The following PHC2 variants were observed in gnomAD, a reference collection of about 807,000 sequenced individuals.
PHC2 encodes the protein polyhomeotic-like protein 2.
Under a neutral mutation model 87.4 loss-of-function variants are expected in PHC2, and 29 were observed. The ratio of observed to expected loss-of-function variants is 0.33; its 90% CI spans 0.25 to 0.45. The LOEUF is 0.45. Among genes scored for constraint, PHC2 ranks in the 20% least tolerant of loss-of-function variants. The probability of loss-of-function intolerance (pLI) is 1.00; values close to 1 mark genes in which losing one functional copy is unlikely to be tolerated. For synonymous variants in PHC2, 438 were observed against 461.7 expected (o/e 0.95, Z 0.66); for missense variants, 857 against 1,136.7 (o/e 0.75, Z 3.54).
intron 1 of PHC2, among the ~76,000 whole-genome samples, chr1:33,404,218 A>G (rs1649660980): frequency 2.0e-5 from 3 of 152,216 alleles, no homozygotes; most frequent in Admixed American, 2.0e-4. Context: ...GTCATCCTTG[A>G]CAATTTTACT....
rs1236121748 is a variant in PHC2 at position 33,354,565 on chromosome 1, G to T, written c.1394C>A (p.Pro465His). 3.1e-6 allele frequency: 5 copies of T among 1,612,480 alleles called. No individual in the cohort carries two copies. The highest frequency in any genetic ancestry group is 3.3e-5 in the Admixed American group (2 of 59,884). The change falls in exon 9 of 15, where the codon CCC becomes CAC. Residue 465 changes from proline to histidine, a missense_variant and splice_region_variant. By Grantham distance (77) the Pro-to-His change is moderately conservative (BLOSUM62 -2). Around this residue, in one of 3 missense-constraint regions of PHC2, gnomAD observed 832 missense variants for 1,081.8 expected, o/e 0.77. Coordinates refer to ENST00000683057, the MANE Select transcript of PHC2 (RefSeq NM_001385109.1). ...CCAGTCATCAGGGACACACTGCTGG[G>T]GCTGTCAAAGGACAGGACAGAGAGG... ...ILQLQPASPV[P>H]QQCVPDDWKE... is the part of the protein sequence containing the mutation.
intron 1 of PHC2, among the ~76,000 whole-genome samples, chr1:33,387,589 C>G (rs1648829659): frequency 6.6e-6 from 1 of 152,226 alleles, no homozygotes. Flanking sequence ...ATTTATTCTT[C>G]ACAACCACCC....
chr1:33,349,726 G>T lies in PHC2; in HGVS notation c.1558+4675C>A, dbSNP rs1451621146. 1.2e-5 allele frequency: 12 copies of T among 994,674 alleles called. No homozygotes were observed. In the South Asian group the frequency reaches 3.3e-4, roughly 27 times the overall value. 61.6% of individuals were successfully genotyped at this position (994,674 alleles called of 1,614,324 possible). On this transcript the variant is annotated intron_variant, in intron 9 of 14. Coordinates refer to ENST00000683057, the MANE Select transcript of PHC2 (RefSeq NM_001385109.1). The surrounding 1 kb of genome is among the most constrained non-coding windows in gnomAD (Gnocchi z 4.2). ...GCCGGGAGCCTCCGAGCCGGGGCCC[G>T]GGGCTGCCGCGGCGCATCCGACCGC... is the stretch of plus-strand genomic sequence containing the variant.
At position 33,324,855 on chromosome 1, in the gene PHC2, G is replaced by T. The variant is rs145458937; in HGVS notation, c.*10C>A. ...GGCGCCCTGGGCCAGAATCCTGGCT[G>T]CCACCAGCCCTAGGAGTCCTTGAGC... On this transcript the variant is annotated 3_prime_UTR_variant, in exon 15 of 15. Coordinates refer to ENST00000683057, the MANE Select transcript of PHC2 (RefSeq NM_001385109.1). 1,181 of 1,601,620 alleles carry T rather than the reference G, an allele frequency of 7.4e-4. 8 individuals are homozygous for T. In the African/African-American group the frequency reaches 0.014, roughly 19 times the overall value.
chr1:33,406,672 C>G, intron 1 of PHC2, among the ~76,000 whole-genome samples: 1 of 152,120 alleles, frequency 6.6e-6, no homozygotes, highest in East Asian at 1.9e-4. Context: ...GTAATAGAGG[C>G]AAACTCTGTT....
intron 9 of PHC2, chr1:33,345,873 G>C (rs1264655177): frequency 2.0e-6 from 2 of 984,230 alleles, no homozygotes; most frequent in African/African-American, 3.5e-5. Context: ...GATGTGGCTA[G>C]TAATTCAAAT....
intron 1 of PHC2, among the ~76,000 whole-genome samples, chr1:33,409,551 T>C (rs1649902868): frequency 6.6e-6 from 1 of 152,230 alleles, no homozygotes; most frequent in African/African-American, 2.4e-5. Flanking sequence ...AATGAAAATA[T>C]ATACTTTTGT....
chr1:33,349,246 G>A lies in PHC2; in HGVS notation c.1558+5155C>T. On this transcript the variant is annotated intron_variant, in intron 9 of 14. Coordinates refer to ENST00000683057, the MANE Select transcript of PHC2 (RefSeq NM_001385109.1). This position sits in a 1 kb window ranked among gnomAD's most constrained non-coding sequence, Gnocchi z 4.2. ...CAATAAAGTACGGCAGATGCCAGCA[G>A]TCTCGTCCCCGAACGCACCGTCCGT... is the stretch of plus-strand genomic sequence containing the variant. 5.1e-6 allele frequency: 5 copies of A among 985,492 alleles called. No homozygotes were observed. Among genetic ancestry groups the A allele is most frequent in the Non-Finnish European group, 6.0e-6 (5 of 829,978 alleles). 61.0% of individuals were successfully genotyped at this position (985,492 alleles called of 1,614,324 possible).
At chr1:33,376,473 G>A (rs1179410703) in intron 1 of PHC2, among the ~76,000 whole-genome samples, 1 of 152,208 alleles carries the variant, frequency 6.6e-6, no homozygotes, top group Non-Finnish European at 1.5e-5. Flanking sequence ...AGCAAAACTA[G>A]GAAAGGAGGC....
Position 33,364,368 on chromosome 1 carries a change from ACACACACACACACACTTGCTTT to A in PHC2, c.976+2726_976+2747del, listed in dbSNP as rs1257685192. Among the ~76,000 whole-genome samples the A allele has an allele frequency of 1.7e-4, 24 of 144,672 alleles. No individual in the cohort carries two copies. Among genetic ancestry groups the A allele is most frequent in the African/African-American group, 4.0e-4 (15 of 37,320 alleles). 94.9% of individuals were successfully genotyped at this position (144,672 alleles called of 152,430 possible). A position where few individuals can be genotyped will look rare whatever the true frequency, so the allele number is the denominator to read the frequency against. Reference sequence around the variant, plus strand: ...TGCTTTCTCTCTCCCAGACACACACACACACACACACACACTTGCTTTCACACACACACACACACACACACAC... The same window carrying A: ...TGCTTTCTCTCTCCCAGACACACACACACACACACACACACACACACACAC... On this transcript the variant is annotated intron_variant, in intron 7 of 14. Transcript: ENST00000683057. This position sits in a 1 kb window ranked among gnomAD's most constrained non-coding sequence, Gnocchi z 4.1.
At chr1:33,357,784 C>A (rs997767788) in intron 7 of PHC2, among the ~76,000 whole-genome samples, 1 of 152,240 alleles carries the variant, frequency 6.6e-6, no homozygotes, top group African/African-American at 2.4e-5. Context: ...TTTGTTAGGC[C>A]CCCACAGCCA....
intron 1 of PHC2, among the ~76,000 whole-genome samples, chr1:33,392,473 C>A (rs1194672286): frequency 2.0e-5 from 3 of 152,186 alleles, no homozygotes; most frequent in Non-Finnish European, 4.4e-5. Context: ...CAGACACACT[C>A]GTTTATTCAC....
chr1:33,382,135 T>G lies in PHC2; in HGVS notation c.-54-6542A>C, dbSNP rs976161025. 1.3e-5 allele frequency among the ~76,000 whole-genome samples: 2 copies of G among 152,146 alleles called. No homozygotes were observed. Among genetic ancestry groups the G allele is most frequent in the African/African-American group, 4.8e-5 (2 of 41,420 alleles). ...GAACTTGAGTTGGAAGAAAACATAA[T>G]TAGTAAGTGTGGACCCATATAACAG... On this transcript the variant is annotated intron_variant, in intron 1 of 14. Transcript: ENST00000683057. This position sits in a 1 kb window ranked among gnomAD's most constrained non-coding sequence, Gnocchi z 4.3.
chr1:33,372,516 G>T, intron 2 of PHC2, 69 bp from the exon 3 acceptor site: 1 of 1,373,782 alleles, frequency 7.3e-7, no homozygotes, highest in Non-Finnish European at 9.6e-7. Context: ...TGGCAGTAAT[G>T]CCTTGCCCAC....
At chr1:33,401,960 A>G (rs1221166246) in intron 1 of PHC2, among the ~76,000 whole-genome samples, 3 of 152,238 alleles carry the variant, frequency 2.0e-5, no homozygotes, top group Admixed American at 6.5e-5. Flanking sequence ...ATTTTAAACA[A>G]GAAAAGACTG....
rs78659086 is a variant in PHC2, at chr1:33,346,392, A to G, written c.1558+8009T>C. The G allele has an allele frequency of 9.4e-3, 9,245 of 985,462 alleles. 53 individuals are homozygous for G. The highest frequency in any genetic ancestry group is 0.016 in the Middle Eastern group (31 of 1,914). The allele number at this position is 985,462 out of a possible 1,614,324, so 61.0% of individuals were successfully genotyped here. ...TTTCAGTAGCAAAATGGCACAAAACAAAGGGAATAAAAGAGAAACTATCAA... is the reference window on the plus strand; with the variant it reads ...TTTCAGTAGCAAAATGGCACAAAACGAAGGGAATAAAAGAGAAACTATCAA... On this transcript the variant is annotated intron_variant, in intron 9 of 14. Transcript: ENST00000683057.
intron 1 of PHC2, among the ~76,000 whole-genome samples, chr1:33,381,505 T>C (rs181696464): frequency 6.6e-6 from 1 of 152,120 alleles, no homozygotes; most frequent in South Asian, 2.1e-4. Flanking sequence ...AGCACTATCA[T>C]AGATACTATG....
intron 14 of PHC2, among the ~76,000 whole-genome samples, chr1:33,328,342 T>G (rs1036259974): frequency 1.3e-5 from 2 of 152,084 alleles, no homozygotes; most frequent in Non-Finnish European, 2.9e-5. Context: ...CATACTTGTC[T>G]GTCTACTGTC....
intron 1 of PHC2, among the ~76,000 whole-genome samples, chr1:33,397,350 A>G (rs1370963675): frequency 1.3e-5 from 2 of 152,170 alleles, no homozygotes; most frequent in African/African-American, 2.4e-5. Context: ...GCATGTTGAA[A>G]ATGCAGAATC....
Sources: allele counts gnomAD v4.1 joint callset (sites outside exome capture counted in the v4.1 genomes callset), GRCh38; gene constraint gnomAD v4.1.1; regional missense constraint gnomAD v4.1.1; non-coding constraint Gnocchi (gnomAD v3.1); transcripts MANE v1.5; gene names NCBI Gene and HGNC (gene_info 2026-07-23, HGNC 2026-07-21).